MB: variants seen among roughly 807,000 people sequenced by gnomAD.
The protein encoded by MB is nitrite reductase MB.
In MB, 10 loss-of-function variants were observed where a neutral mutation model predicts 14.5. That is an observed-to-expected ratio of 0.69 (90% CI 0.43 to 1.17). The LOEUF is 1.17. Among genes scored for constraint, MB ranks in the 50% most tolerant of loss-of-function variants. MB has a pLI of 0.00. For missense variants in MB, 169 were observed against 192.7 expected (o/e 0.88, Z 0.73); for synonymous variants, 89 against 78.6 (o/e 1.13, Z -0.70).
upstream of MB, among the ~76,000 whole-genome samples, chr22:35,618,853 T>C (rs1416234277): frequency 2.7e-5 from 4 of 150,278 alleles, no homozygotes; most frequent in Admixed American, 1.3e-4. Flanking sequence ...TCATTATCCC[T>C]CCATTCATCA....
chr22:35,616,122 C>G (rs138683719), intron 1 of MB, among the ~76,000 whole-genome samples: 40 of 152,272 alleles, frequency 2.6e-4, no homozygotes, highest in African/African-American at 9.1e-4. Context: ...AAAGACAATC[C>G]ATTCACTTGT....
In MB at chr22:35,616,174, C is replaced by T. The variant is rs45548432; in HGVS notation, c.95+989G>A. Among the ~76,000 whole-genome samples the T allele has an allele frequency of 6.2e-3, 945 of 152,266 alleles. 7 individuals are homozygous for T. Among genetic ancestry groups the T allele is most frequent in the African/African-American group, 0.02 (828 of 41,536 alleles). ...ACTTCCTTCCTCCCGTTGGCAGAAA[C>T]GTTGATTCTTAACCTATTAGACTTC... On this transcript the variant is annotated intron_variant, in intron 1 of 2. Coordinates refer to ENST00000397326, the MANE Select transcript of MB (RefSeq NM_005368.3).
In MB at chr22:35,617,261, G is replaced by T; in HGVS notation, c.-4C>A. The T allele has an allele frequency of 2.5e-6, 4 of 1,612,914 alleles. No individual in the cohort carries two copies. Among genetic ancestry groups the T allele is most frequent in the Non-Finnish European group, 3.4e-6 (4 of 1,178,902 alleles). ...ATTCCCCGTCGCTGAGCCCCATGGC[G>T]CAGTCTGAAGAAGACAAAAAGAGCA... On this transcript the variant is annotated 5_prime_UTR_variant, in exon 1 of 3. Coordinates refer to ENST00000397326, the MANE Select transcript of MB (RefSeq NM_005368.3).
At chr22:35,611,695 G>A (rs1264400083) in intron 1 of MB, among the ~76,000 whole-genome samples, 1 of 152,150 alleles carries the variant, frequency 6.6e-6, no homozygotes, top group Non-Finnish European at 1.5e-5. Flanking sequence ...GGGTCCTGGT[G>A]GGAGCAACTC....
chr22:35,615,507 G>A (rs1923005951), intron 1 of MB: 1 of 152,282 alleles, frequency 6.6e-6, no homozygotes. Flanking sequence ...ACAAGTCACT[G>A]CCTTAGGTCT....
chr22:35,607,915 C>T (rs897270468), intron 2 of MB, among the ~76,000 whole-genome samples: 11 of 152,162 alleles, frequency 7.2e-5, no homozygotes, highest in Non-Finnish European at 1.6e-4. Context: ...TGTGTGTATG[C>T]AATTTTTGCA....
In MB at chr22:35,608,183, T is replaced by C. The variant is rs1447134769; in HGVS notation, c.319-740A>G. On this transcript the variant is annotated intron_variant, in intron 2 of 2. Transcript: ENST00000397326. The surrounding 1 kb of genome is among the most constrained non-coding windows in gnomAD (Gnocchi z 4.3). ...GGAAAACGGAGATGTAGCATGGTGC[T>C]GCTTTAGGGATGGAAAGACTCATGG... 6.6e-6 allele frequency among the ~76,000 whole-genome samples: 1 copy of C among 152,220 alleles called. No individual in the cohort carries two copies. The highest frequency in any genetic ancestry group is 1.5e-5 in the Non-Finnish European group (1 of 68,040).
chr22:35,607,543 C>T (rs779462325), intron 2 of MB, 100 bp from the exon 3 acceptor site: 326 of 1,216,404 alleles, frequency 2.7e-4, no homozygotes, highest in Non-Finnish European at 3.5e-4. Flanking sequence ...ATTCCAGGAC[C>T]GTGTATTGAG....
intron 2 of MB, among the ~76,000 whole-genome samples, chr22:35,607,932 A>G (rs533880180): frequency 3.0e-4 from 45 of 152,328 alleles, no homozygotes; most frequent in African/African-American, 1.1e-3. Context: ...TGCATACTTA[A>G]TGACTTGGTA....
rs762726898 is a variant in MB at position 35,610,869 on chromosome 22, A to C, written c.318+15T>G. The C allele has an allele frequency of 1.4e-6, 2 of 1,458,090 alleles. No individual in the cohort carries two copies. Among genetic ancestry groups the C allele is most frequent in the Non-Finnish European group, 1.8e-6 (2 of 1,109,180 alleles). 90.3% of individuals were successfully genotyped at this position (1,458,090 alleles called of 1,614,324 possible). ...CTTCCCCGCATCCTCCCACCTGCCCAGGCTCTGCTCCTACCTCCAGGTACT... is the reference window on the plus strand; with the variant it reads ...CTTCCCCGCATCCTCCCACCTGCCCCGGCTCTGCTCCTACCTCCAGGTACT... On this transcript the variant is annotated intron_variant, in intron 2 of 2. Coordinates refer to ENST00000397326, the MANE Select transcript of MB (RefSeq NM_005368.3).
chr22:35,610,497 A>G (rs564704786), intron 2 of MB, among the ~76,000 whole-genome samples: 7 of 152,110 alleles, frequency 4.6e-5, no homozygotes, highest in Non-Finnish European at 7.4e-5. Flanking sequence ...TGGCTCTGCC[A>G]TTATCCACCT....
At chr22:35,619,038 A>G (rs1194844226), upstream of MB, among the ~76,000 whole-genome samples, 12 of 151,720 alleles carry the variant, frequency 7.9e-5, no homozygotes, top group South Asian at 2.1e-3. Flanking sequence ...CCATCCCTCC[A>G]TCTATCCTTC....
rs1364267241 is a variant in MB, at chr22:35,617,160, T to C, written c.95+3A>G. 4 of 1,611,544 alleles carry C rather than the reference T, an allele frequency of 2.5e-6. No individual in the cohort carries two copies. Among genetic ancestry groups the C allele is most frequent in the Non-Finnish European group, 3.4e-6 (4 of 1,177,734 alleles). ...CAGGGGCAATGGAATCTCTTCCTTT[T>C]ACCTGATGAGGACTTCCTGCCCATG... On this transcript the variant is annotated splice_donor_region_variant and intron_variant, in intron 1 of 2. Coordinates refer to ENST00000397326, the MANE Select transcript of MB (RefSeq NM_005368.3).
chr22:35,621,783 C>T (rs1254785391), upstream of MB, among the ~76,000 whole-genome samples: 1 of 152,218 alleles, frequency 6.6e-6, no homozygotes, highest in East Asian at 1.9e-4. Flanking sequence ...TCACCCAAGA[C>T]TTTTCTTGTC....
intron 1 of MB, among the ~76,000 whole-genome samples, chr22:35,613,782 G>A (rs1922840634): frequency 6.6e-6 from 1 of 152,186 alleles, no homozygotes; most frequent in South Asian, 2.1e-4. Flanking sequence ...ATAGGCCTGA[G>A]CCACCCCACC....
intron 1 of MB, among the ~76,000 whole-genome samples, chr22:35,616,859 C>A (rs1487622815): frequency 6.6e-6 from 1 of 152,120 alleles, no homozygotes; most frequent in Non-Finnish European, 1.5e-5. Context: ...TGTACAAAAT[C>A]TCTCAGGACC....
Position 35,607,362 on chromosome 22 carries a change from T to A in MB, c.400A>T (p.Lys134Ter). Residue 134 changes from lysine to a stop codon, truncating the protein, a stop_gained, in exon 3 of 3, where the codon AAG (lysine) becomes TAG (stop). Coordinates refer to ENST00000397326, the MANE Select transcript of MB (RefSeq NM_005368.3). LOFTEE classifies it high-confidence loss of function. ...FGADAQGAMN[K>*]ALELFRKDMA... ...TCCTTCCGGAACAGCTCCAGGGCCT[T>A]GTTCATGGCCCCCTGGGCATCAGCA... 1 of 1,614,212 alleles carries A rather than the reference T, an allele frequency of 6.2e-7. No homozygotes were observed. Among genetic ancestry groups the A allele is most frequent in the South Asian group, 1.1e-5 (1 of 91,090 alleles).
intron 1 of MB, among the ~76,000 whole-genome samples, chr22:35,613,871 G>A (rs962644647): frequency 1.3e-5 from 2 of 152,194 alleles, no homozygotes; most frequent in African/African-American, 4.8e-5. Context: ...GCACCACACA[G>A]CTGCCTGCCT....
rs138447895 is a variant in MB, at chr22:35,612,565, G to A, written c.96-1459C>T. Among the ~76,000 whole-genome samples the A allele has an allele frequency of 9.7e-3, 1,470 of 152,098 alleles. 15 individuals are homozygous for A. Among genetic ancestry groups the A allele is most frequent in the African/African-American group, 0.034 (1,403 of 41,490 alleles). On this transcript the variant is annotated intron_variant, in intron 1 of 2. Transcript: ENST00000397326. ...TCTCGATCTCCTGACCTTGTGATCC[G>A]CCTGCCTCAGCCTCCCAAAGTGCTG...
Sources: gnomAD v4.1 joint callset for allele counts (sites outside exome capture counted in the v4.1 genomes callset) on GRCh38, gnomAD v4.1.1 for gene constraint, Gnocchi (gnomAD v3.1) non-coding constraint, MANE v1.5 for transcripts, NCBI Gene and HGNC (gene_info 2026-07-23, HGNC 2026-07-21) for gene names.